Variants in SLC9A1 observed in about 807,000 individuals in gnomAD.
SLC9A1 encodes the protein solute carrier family 9 member A1.
SLC9A1 carries 22 observed loss-of-function variants against 67.9 expected under a neutral mutation model. The ratio of observed to expected loss-of-function variants is 0.32; its 90% CI spans 0.23 to 0.46. SLC9A1 has a LOEUF of 0.46. SLC9A1 is among the 20% of genes least tolerant of loss of function. The probability of loss-of-function intolerance (pLI) is 1.00; values close to 1 mark genes in which losing one functional copy is unlikely to be tolerated. For synonymous variants in SLC9A1, 421 were observed against 471.8 expected, an observed-to-expected ratio of 0.89 and a Z score of 1.40; for missense variants, 686 against 1,094.8, an observed-to-expected ratio of 0.63 and a Z score of 5.27.
Position 27,137,501 on chromosome 1 carries a change from GA to G in SLC9A1, c.352+16481del, listed in dbSNP as rs1450363965. Reference sequence around the variant, plus strand: ...TAACCTCCACACCTTTGCACATGGGGACCACAAAGTTGCAAGTGGGGGAGGG... The same window carrying G: ...TAACCTCCACACCTTTGCACATGGGGCCACAAAGTTGCAAGTGGGGGAGGG... On this transcript the variant is annotated intron_variant, in intron 1 of 11. Transcript: ENST00000263980. The surrounding 1 kb of genome is among the most constrained non-coding windows in gnomAD (Gnocchi z 4.6). 6.6e-6 allele frequency among the ~76,000 whole-genome samples: 1 copy of G among 152,156 alleles called. No homozygotes were observed. The highest frequency in any genetic ancestry group is 1.5e-5 in the Non-Finnish European group (1 of 68,028).
At chr1:27,141,202 A>G (rs1175088398) in intron 1 of SLC9A1, among the ~76,000 whole-genome samples, 1 of 152,222 alleles carries the variant, frequency 6.6e-6, no homozygotes, top group African/African-American at 2.4e-5. Flanking sequence ...TCTCCATCTC[A>G]AAATAAAAAA....
At chr1:27,112,883 C>CAAAAA (rs58540104) in intron 2 of SLC9A1, among the ~76,000 whole-genome samples, 2 of 41,508 alleles carry the variant, frequency 4.8e-5, no homozygotes, top group East Asian at 8.1e-4. Context: ...GACTCCATCT[C>CAAAAA]AAAAAAAAAA....
At chr1:27,115,243 C>T (rs557348166) in intron 1 of SLC9A1, among the ~76,000 whole-genome samples, 20 of 152,264 alleles carry the variant, frequency 1.3e-4, no homozygotes, top group South Asian at 6.2e-4. Flanking sequence ...CAGCCATCTC[C>T]CCAGGCCGTG....
chr1:27,121,389 CAT>C (rs2083303435), intron 1 of SLC9A1, among the ~76,000 whole-genome samples: 1 of 152,194 alleles, frequency 6.6e-6, no homozygotes, highest in Non-Finnish European at 1.5e-5. Flanking sequence ...CTTTAGTAAC[CAT>C]GAGCTTTGCG....
In SLC9A1 at chr1:27,100,517, C is replaced by G. The variant is rs1483830852; in HGVS notation, c.2238G>C (p.Arg746=). 2 of 1,614,124 alleles carry G rather than the reference C, an allele frequency of 1.2e-6. No individual in the cohort carries two copies. Among genetic ancestry groups the G allele is most frequent in the Admixed American group, 3.3e-5 (2 of 60,012 alleles). The change falls in exon 12 of 12, where the codon CGG becomes CGC. Residue 746 remains arginine (R), a synonymous_variant. Coordinates refer to ENST00000263980, the MANE Select transcript of SLC9A1 (RefSeq NM_003047.5). This position sits in a 1 kb window ranked among gnomAD's most constrained non-coding sequence, Gnocchi z 5.6. ...CCTCCTCAGCCACCTTTGCAGGATC[C>G]CGGCTCAACCCTAAGACTTTGCCCT... ...ELKGKVLGLS[R]DPAKVAEEDE...
At chr1:27,124,045 G>A (rs2083324173) in intron 1 of SLC9A1, among the ~76,000 whole-genome samples, 1 of 152,108 alleles carries the variant, frequency 6.6e-6, no homozygotes, top group African/African-American at 2.4e-5. Context: ...TCCCGGATGT[G>A]TGGCTCCCCA....
intron 2 of SLC9A1, among the ~76,000 whole-genome samples, chr1:27,110,496 CT>C (rs1214365600): frequency 6.6e-6 from 1 of 152,228 alleles, no homozygotes; most frequent in African/African-American, 2.4e-5. Context: ...TAAGGCATCC[CT>C]GTCTCCTGGA....
At chr1:27,142,926 T>G (rs970938553) in intron 1 of SLC9A1, among the ~76,000 whole-genome samples, 2 of 151,228 alleles carry the variant, frequency 1.3e-5, no homozygotes, top group Non-Finnish European at 1.5e-5. Context: ...AAGTACCACC[T>G]CCTCCAAGGA....
chr1:27,146,421 C>G (rs2083485643), intron 1 of SLC9A1, among the ~76,000 whole-genome samples: 1 of 152,116 alleles, frequency 6.6e-6, no homozygotes, highest in South Asian at 2.1e-4. Flanking sequence ...AGCCAAGGCT[C>G]AAAATACTAA....
intron 2 of SLC9A1, among the ~76,000 whole-genome samples, chr1:27,113,026 C>T (rs2083241558): frequency 6.6e-6 from 1 of 152,098 alleles, no homozygotes. Context: ...AATCTCCGCC[C>T]AAAAACTGTG....
Position 27,100,346 on chromosome 1 carries a change from C to G in SLC9A1, c.2409G>C (p.Glu803Asp). 6.5e-7 allele frequency: 1 copy of G among 1,547,258 alleles called. No individual in the cohort carries two copies. The highest frequency in any genetic ancestry group is 8.7e-7 in the Non-Finnish European group (1 of 1,146,448). Residue 803 changes from glutamate to aspartate, a missense_variant, in exon 12 of 12, where the codon GAG (glutamate) becomes GAC (aspartate). Physicochemically the swap from Glu to Asp is conservative, Grantham distance 45. Coordinates refer to ENST00000263980, the MANE Select transcript of SLC9A1 (RefSeq NM_003047.5). The surrounding 1 kb of genome is among the most constrained non-coding windows in gnomAD (Gnocchi z 5.6). ...GGAAGAACGGTTCTCCCTCCCCAGG[C>G]TCAGGGTGTGGGCCTGGGTCACTGA... Reference protein sequence around the residue: ...RCLSDPGPHPEPGEGEPFFPK... With the variant: ...RCLSDPGPHPDPGEGEPFFPK...
At chr1:27,111,585 C>T (rs1477979783) in intron 2 of SLC9A1, among the ~76,000 whole-genome samples, 6 of 152,026 alleles carry the variant, frequency 3.9e-5, no homozygotes, top group Admixed American at 2.0e-4. Context: ...CGCTTGTGCC[C>T]GGGAGCTTGA....
intron 1 of SLC9A1, among the ~76,000 whole-genome samples, chr1:27,139,582 C>A (rs2083441306): frequency 6.6e-6 from 1 of 151,244 alleles, no homozygotes; most frequent in Non-Finnish European, 1.5e-5. Flanking sequence ...CGACAGCCAT[C>A]ACAGGTGCTC....
chr1:27,109,596 AGCG>A lies in SLC9A1; in HGVS notation c.992_994del (p.Pro331del). Reference sequence around the variant, plus strand: ...CATGTAGCTGTAGAGGAAGACGAAGAGCGGCTCGATGACCCGGATGTGGGAGGT... The same window carrying A: ...CATGTAGCTGTAGAGGAAGACGAAGAGCTCGATGACCCGGATGTGGGAGGT... On this transcript the variant is annotated inframe_deletion, in exon 3 of 12. Transcript: ENST00000263980. This position sits in a 1 kb window ranked among gnomAD's most constrained non-coding sequence, Gnocchi z 5.5. 1 of 1,613,946 alleles carries A rather than the reference AGCG, an allele frequency of 6.2e-7. No individual in the cohort carries two copies. Among genetic ancestry groups the A allele is most frequent in the Non-Finnish European group, 8.5e-7 (1 of 1,180,008 alleles).
intron 1 of SLC9A1, among the ~76,000 whole-genome samples, chr1:27,120,669 C>T (rs905127052): frequency 1.3e-5 from 2 of 150,710 alleles, no homozygotes; most frequent in Admixed American, 6.6e-5. Context: ...ACCTGTTAGG[C>T]AGAGGTTGCA....
Position 27,101,695 on chromosome 1 carries a change from T to C in SLC9A1, c.2037+30A>G. On this transcript the variant is annotated intron_variant, in intron 10 of 11. Coordinates refer to ENST00000263980, the MANE Select transcript of SLC9A1 (RefSeq NM_003047.5). This position sits in a 1 kb window ranked among gnomAD's most constrained non-coding sequence, Gnocchi z 4.9. Reference sequence around the variant, plus strand: ...CGGAGCTTGGGCGAGTGGGGTGGGATACAGATTCCCAGAGGAAGGCAGAGG... The same window carrying C: ...CGGAGCTTGGGCGAGTGGGGTGGGACACAGATTCCCAGAGGAAGGCAGAGG... 6.7e-7 allele frequency: 1 copy of C among 1,495,202 alleles called. No homozygotes were observed. The highest frequency in any genetic ancestry group is 2.3e-5 in the East Asian group (1 of 43,570). The allele number at this position is 1,495,202 out of a possible 1,614,324, so 92.6% of individuals were successfully genotyped here.
chr1:27,110,243 A>G (rs2083218914), intron 2 of SLC9A1, among the ~76,000 whole-genome samples: 1 of 152,224 alleles, frequency 6.6e-6, no homozygotes, highest in African/African-American at 2.4e-5. Context: ...TCTGCCTCTC[A>G]CTGCCTGACC....
intron 1 of SLC9A1, among the ~76,000 whole-genome samples, chr1:27,119,163 G>C (rs1303898192): frequency 2.6e-5 from 4 of 151,912 alleles, no homozygotes. Context: ...TGCACCACAA[G>C]AATGTTTTAT....
intron 1 of SLC9A1, among the ~76,000 whole-genome samples, chr1:27,123,414 A>T (rs2083318508): frequency 6.6e-6 from 1 of 152,198 alleles, no homozygotes; most frequent in Admixed American, 6.5e-5. Flanking sequence ...TCTATGGGGC[A>T]GAGACTGCAC....
Sources: allele counts gnomAD v4.1 joint callset (sites outside exome capture counted in the v4.1 genomes callset), GRCh38; gene constraint gnomAD v4.1.1; non-coding constraint Gnocchi (gnomAD v3.1); transcripts MANE v1.5; gene names NCBI Gene and HGNC (gene_info 2026-07-23, HGNC 2026-07-21).